The following PMS2 variants were observed in gnomAD, a reference collection of about 807,000 sequenced individuals.
PMS2 encodes the protein PMS1 homolog 2, mismatch repair system component.
In PMS2, 69 loss-of-function variants were observed where a neutral mutation model predicts 90.0. That is an observed-to-expected ratio of 0.77 (90% CI 0.63 to 0.94). The LOEUF is 0.94. Among genes scored for constraint, PMS2 ranks in the 40% least tolerant of loss-of-function variants. The probability of loss-of-function intolerance (pLI) is 0.00; values close to 1 mark genes in which losing one functional copy is unlikely to be tolerated. For missense variants in PMS2, 966 were observed against 1,040.2 expected, an observed-to-expected ratio of 0.93 and a Z score of 0.98; for synonymous variants, 332 against 375.1, an observed-to-expected ratio of 0.89 and a Z score of 1.33.
chr7:5,987,445 T>C lies in PMS2; in HGVS notation c.1320A>G (p.Pro440=), dbSNP rs138697590. 254 of 1,614,120 alleles carry C rather than the reference T, an allele frequency of 1.6e-4. No homozygotes were observed. Among genetic ancestry groups the C allele is most frequent in the Non-Finnish European group, 2.1e-4 (244 of 1,179,958 alleles). ...TENKPHSPKT[P]EPRRSPLGQK... ...GTCCTAGAGGGCTCCTTCTTGGTTC[T>C]GGAGTCTTTGGGCTGTGAGGCTTGT... Residue 440 remains proline, a synonymous_variant, in exon 11 of 15, where the codon CCA becomes CCG. Transcript: ENST00000265849.
chr7:5,997,196 A>G, intron 7 of PMS2, 130 bp downstream of exon 7: 2 of 665,526 alleles, frequency 3.0e-6, no homozygotes, highest in Admixed American at 2.6e-5. Context: ...CCTGGGCAAC[A>G]AAGCAAGACT....
Position 5,994,820 on chromosome 7 carries a change from C to T in PMS2, c.903+714G>A, listed in dbSNP as rs559014712. ...AAGAAAATACTGTATGTCAAAAATGCCTTTGTGATAACCTAACCTACTGAA... is the reference window on the plus strand; with the variant it reads ...AAGAAAATACTGTATGTCAAAAATGTCTTTGTGATAACCTAACCTACTGAA... On this transcript the variant is annotated intron_variant, in intron 8 of 14. Coordinates refer to ENST00000265849, the MANE Select transcript of PMS2 (RefSeq NM_000535.7). Among the ~76,000 whole-genome samples the T allele has an allele frequency of 5.3e-5, 8 of 151,888 alleles. No homozygotes were observed. The East Asian group carries it at 1.2e-3, about 22-fold the overall frequency.
rs1060504843 is a variant in PMS2 at position 6,005,935 on chromosome 7, C to G, written c.120G>C (p.Lys40Asn). ...QVVLSLSTAVKELVENSLDAG... is the reference protein window; with the variant it reads ...QVVLSLSTAVNELVENSLDAG... ...CATCCAGACTGTTTTCTACTAACTC[C>G]TTTACCGCAGTGCTTAGACTCAGTA... Residue 40 changes from lysine (K) to asparagine (N), a missense_variant, in exon 2 of 15, where the codon AAG becomes AAC. Around this residue, in one of 2 missense-constraint regions of PMS2, gnomAD observed 871 missense variants for 802.4 expected, o/e 1.09. Transcript: ENST00000265849. 4 of 1,610,864 alleles carry G rather than the reference C, an allele frequency of 2.5e-6. No homozygotes were observed. The South Asian group carries it at 3.3e-5, about 13-fold the overall frequency.
At chr7:6,003,946 A>G (rs2128828972) in intron 3 of PMS2, 26 bp downstream of exon 3, 11 of 1,461,988 alleles carry the variant, frequency 7.5e-6, no homozygotes, top group African/African-American at 1.4e-5. Flanking sequence ...ATTATTTTAT[A>G]ATAGGATTAG....
intron 14 of PMS2, among the ~76,000 whole-genome samples, chr7:5,976,960 C>A (rs1462848070): frequency 8.1e-6 from 1 of 123,998 alleles, no homozygotes; most frequent in African/African-American, 2.8e-5. Context: ...CAGCCTGGTA[C>A]GTCAAGGCTG....
chr7:6,005,415 G>GGCTGGTCTCGAACT, intron 2 of PMS2, among the ~76,000 whole-genome samples: 1 of 152,278 alleles, frequency 6.6e-6, no homozygotes, highest in Non-Finnish European at 1.5e-5. Flanking sequence ...ACTTTGGACA[G>GGCTGGTCTCGAACT]GCTGGTCTCG....
At chr7:5,992,166 C>CTT in intron 8 of PMS2, 109 bp from the exon 9 acceptor site, 8 of 648,004 alleles carry the variant, frequency 1.2e-5, no homozygotes, top group Admixed American at 2.5e-5. Flanking sequence ...GAAGGGGATA[C>CTT]TTTTTTGTTT....
rs1784822104 is a variant in PMS2 at position 5,999,245 on chromosome 7, C to T, written c.568G>A (p.Ala190Thr). ...EYAKMVQVLH[A>T]YCIISAGIRV... The stretch of plus-strand genomic sequence containing the variant: ...ATGCCTGCTGAAATGATACAGTATG[C>T]ATGTAAGACCTGGACCATTTTGGCA... Residue 190 changes from alanine to threonine, a missense_variant, in exon 6 of 15, where the codon GCA (alanine) becomes ACA (threonine). This residue lies in a region of PMS2 where 871 missense variants were observed against 802.4 expected (regional missense o/e 1.09). Transcript: ENST00000265849. The T allele has an allele frequency of 1.9e-6, 3 of 1,614,012 alleles. No individual in the cohort carries two copies. The highest frequency in any genetic ancestry group is 2.5e-6 in the Non-Finnish European group (3 of 1,179,934).
At chr7:6,007,087 CATTATTATTATTATT>C (rs10592354) in intron 1 of PMS2, among the ~76,000 whole-genome samples, 1 of 147,404 alleles carries the variant, frequency 6.8e-6, no homozygotes, top group Non-Finnish European at 1.5e-5. Flanking sequence ...AAGTCCCCTA[CATTATTATTATTATT>C]ATTATTATTA....
At chr7:5,991,807 C>T (rs1033869236) in intron 9 of PMS2, among the ~76,000 whole-genome samples, 166 bp downstream of exon 9, 47 of 152,174 alleles carry the variant, frequency 3.1e-4, no homozygotes, top group African/African-American at 9.6e-4. Flanking sequence ...CCACCACACT[C>T]CAGCCTGGGT....
rs768480216 is a variant in PMS2 at position 5,987,601 on chromosome 7, A to G, written c.1164T>C (p.His388=). ...LDVEGNLIKM[H]AADLEKPMVE... is the part of the protein sequence containing the mutation. Reference sequence around the variant, plus strand: ...CCATGGGCTTTTCCAAATCCGCTGCATGCATTTTTATTAAGTTACCTAAGC... The same window carrying G: ...CCATGGGCTTTTCCAAATCCGCTGCGTGCATTTTTATTAAGTTACCTAAGC... Residue 388 remains histidine (H), a synonymous_variant, in exon 11 of 15, where the codon CAT becomes CAC. Coordinates refer to ENST00000265849, the MANE Select transcript of PMS2 (RefSeq NM_000535.7). The G allele has an allele frequency of 6.2e-7, 1 of 1,602,980 alleles. No individual in the cohort carries two copies. Among genetic ancestry groups the G allele is most frequent in the Non-Finnish European group, 8.5e-7 (1 of 1,171,190 alleles).
rs1224835596 is a variant in PMS2 at position 5,972,824 on chromosome 7, G to T, written c.*575C>A. 4.4e-5 allele frequency among the ~76,000 whole-genome samples: 3 copies of T among 68,656 alleles called. No individual in the cohort carries two copies. The highest frequency in any genetic ancestry group is 1.5e-4 in the African/African-American group (2 of 13,254). The allele number at this position is 68,656 out of a possible 152,430, so 45.0% of individuals were successfully genotyped here. ...CCTGAGTAACTTCCAAAGTGGTTTG[G>T]TTTTTTTTTTTTTGTTTTGTTTTGT... is the stretch of plus-strand genomic sequence containing the variant. On this transcript the variant is annotated 3_prime_UTR_variant, in exon 15 of 15. Transcript: ENST00000265849.
chr7:6,005,102 A>G (rs529443818), intron 2 of PMS2, among the ~76,000 whole-genome samples: 1 of 152,178 alleles, frequency 6.6e-6, no homozygotes, highest in East Asian at 1.9e-4. Flanking sequence ...ACAGGGTTTC[A>G]TCATGTTGGT....
chr7:6,005,882 C>T lies in PMS2; in HGVS notation c.163+10G>A, dbSNP rs746034469. The T allele has an allele frequency of 3.7e-6, 6 of 1,610,692 alleles. No homozygotes were observed. Among genetic ancestry groups the T allele is most frequent in the Non-Finnish European group, 5.1e-6 (6 of 1,179,814 alleles). On this transcript the variant is annotated intron_variant, in intron 2 of 14. Coordinates refer to ENST00000265849, the MANE Select transcript of PMS2 (RefSeq NM_000535.7). ...TCATTTCTTGTGGCTTAAAACTCTC[C>T]CAAACTTACCAATATTAGTGGCACC...
rs587779328 is a variant in PMS2 at position 5,987,302 on chromosome 7, G to T, written c.1463C>A (p.Ala488Glu). The T allele has an allele frequency of 6.2e-7, 1 of 1,614,056 alleles. No individual in the cohort carries two copies. The change falls in exon 11 of 15, where the codon GCG becomes GAG. Residue 488 changes from alanine (A) to glutamate (E), a missense_variant. Around this residue, in one of 2 missense-constraint regions of PMS2, gnomAD observed 871 missense variants for 802.4 expected, o/e 1.09. Transcript: ENST00000265849. ...GTGCCCCGAGTCCTTCTCCACCTCC[G>T]CTCTGTCCGTAGGGTCACTGGGTCC... is the stretch of plus-strand genomic sequence containing the variant. ...SHGPSDPTDR[A>E]EVEKDSGHGS... is the part of the protein sequence containing the mutation.
intron 1 of PMS2, among the ~76,000 whole-genome samples, chr7:6,008,565 C>G (rs913815597): frequency 6.6e-6 from 1 of 151,504 alleles, no homozygotes; most frequent in African/African-American, 2.4e-5. Flanking sequence ...GCCTGGGCAA[C>G]GCAGCGAAAT....
At chr7:6,008,130 T>C (rs1786071471) in intron 1 of PMS2, among the ~76,000 whole-genome samples, 1 of 152,186 alleles carries the variant, frequency 6.6e-6, no homozygotes, top group Non-Finnish European at 1.5e-5. Flanking sequence ...GTGCTGGGAT[T>C]ATAGGCGTGA....
At chr7:5,995,443 G>A in intron 8 of PMS2, 91 bp downstream of exon 8, 1 of 794,072 alleles carries the variant, frequency 1.3e-6, no homozygotes, top group Non-Finnish European at 2.3e-6. Flanking sequence ...AAAGTCCCGA[G>A]CTCCACGTAA....
intron 6 of PMS2, among the ~76,000 whole-genome samples, chr7:5,997,633 C>T (rs1784576677): frequency 6.6e-6 from 1 of 152,132 alleles, no homozygotes; most frequent in South Asian, 2.1e-4. Context: ...CAATGTCAAA[C>T]TCGTGGGTTC....
Sources: allele counts gnomAD v4.1 joint callset (sites outside exome capture counted in the v4.1 genomes callset), GRCh38; gene constraint gnomAD v4.1.1; regional missense constraint gnomAD v4.1.1; transcripts MANE v1.5; gene names NCBI Gene and HGNC (gene_info 2026-07-23, HGNC 2026-07-21).